ZFHX3: variants seen among roughly 807,000 people sequenced by gnomAD.
The protein encoded by ZFHX3 is zinc finger homeobox 3, also known as zinc finger homeobox protein 3.
ZFHX3 carries 42 observed loss-of-function variants against 279.1 expected under a neutral mutation model. That is an observed-to-expected ratio of 0.15 (90% CI 0.12 to 0.19). The LOEUF (loss-of-function observed/expected upper bound fraction) is 0.19, where lower values mean the gene tolerates loss of function less well. Ranked by LOEUF, ZFHX3 falls within the 10% of genes least tolerant of loss-of-function variation. The probability of loss-of-function intolerance (pLI) is 1.00; values close to 1 mark genes in which losing one functional copy is unlikely to be tolerated. For missense variants in ZFHX3, 4,981 were observed against 4,754.0 expected (o/e 1.05, Z -1.40); for synonymous variants, 2,293 against 1,957.8 (o/e 1.17, Z -4.52).
intron 1 of ZFHX3, among the ~76,000 whole-genome samples, chr16:73,799,456 T>C (rs1960083555): frequency 6.6e-6 from 1 of 152,120 alleles, no homozygotes. Context: ...TTCTTTGGCC[T>C]TCCCTTGCAG....
intron 4 of ZFHX3, among the ~76,000 whole-genome samples, chr16:73,286,445 C>CAAG (rs2014598547): frequency 6.6e-6 from 1 of 152,188 alleles, no homozygotes; most frequent in Non-Finnish European, 1.5e-5. Context: ...ACCTTAAGTA[C>CAAG]AAGACTTGAT....
At chr16:73,562,790 TA>T (rs1162211923) in intron 2 of ZFHX3, among the ~76,000 whole-genome samples, 1 of 152,140 alleles carries the variant, frequency 6.6e-6, no homozygotes, top group Non-Finnish European at 1.5e-5. Context: ...CCCATGTTTT[TA>T]AAAGCCTTTC....
At chr16:73,031,305 T>C (rs1964688492) in intron 1 of ZFHX3, among the ~76,000 whole-genome samples, 1 of 152,072 alleles carries the variant, frequency 6.6e-6, no homozygotes, top group South Asian at 2.1e-4. Flanking sequence ...CATTCACACT[T>C]CACCAAACCC....
chr16:72,898,092 T>C (rs180838701), intron 3 of ZFHX3, among the ~76,000 whole-genome samples: 6 of 152,330 alleles, frequency 3.9e-5, no homozygotes, highest in Admixed American at 3.9e-4. Flanking sequence ...AAATGTAATG[T>C]CACATTTTTA....
At chr16:73,362,418 G>C (rs866482408) in intron 3 of ZFHX3, among the ~76,000 whole-genome samples, 1 of 152,142 alleles carries the variant, frequency 6.6e-6, no homozygotes, top group Non-Finnish European at 1.5e-5. Context: ...AGTTGAGAGT[G>C]TCTCTATCTA....
At chr16:72,790,594 T>C (rs558935758) in intron 9 of ZFHX3, 1 of 152,330 alleles carries the variant, frequency 6.6e-6, no homozygotes, top group Admixed American at 6.5e-5. Context: ...AAACAGCTGT[T>C]AATACTGGAT....
chr16:73,473,160 G>A (rs185106060), intron 2 of ZFHX3, among the ~76,000 whole-genome samples: 4 of 151,498 alleles, frequency 2.6e-5, no homozygotes, highest in East Asian at 3.9e-4. Flanking sequence ...GGGCAACATA[G>A]CAAGACCCTA....
intron 3 of ZFHX3, among the ~76,000 whole-genome samples, chr16:73,454,091 C>T (rs937440132): frequency 6.6e-6 from 1 of 152,124 alleles, no homozygotes; most frequent in African/African-American, 2.4e-5. Flanking sequence ...GTAGGGCATT[C>T]CCACTGCATC....
intron 2 of ZFHX3, among the ~76,000 whole-genome samples, chr16:73,588,495 G>A (rs2051951064): frequency 6.6e-6 from 1 of 151,628 alleles, no homozygotes; most frequent in Non-Finnish European, 1.5e-5. Flanking sequence ...GACCATCCTG[G>A]CTAACACGGT....
intron 1 of ZFHX3, among the ~76,000 whole-genome samples, chr16:73,023,555 C>A (rs180720148): frequency 6.6e-6 from 1 of 152,342 alleles, no homozygotes; most frequent in Non-Finnish European, 1.5e-5. Context: ...CCGGCTCCCT[C>A]CCACGATGCG....
At chr16:73,873,146 TGGTGGTG>T (rs1331596763) in intron 1 of ZFHX3, among the ~76,000 whole-genome samples, 39 of 42,852 alleles carry the variant, frequency 9.1e-4, no homozygotes, top group Middle Eastern at 0.026. Context: ...TGGTGGTGGG[TGGTGGTG>T]GGTGGTGGGT....
At chr16:73,000,168 T>C (rs548872126) in intron 1 of ZFHX3, among the ~76,000 whole-genome samples, 2 of 152,264 alleles carry the variant, frequency 1.3e-5, no homozygotes, top group South Asian at 4.2e-4. Flanking sequence ...CAGGCACCAC[T>C]GTCTGTCAAC....
chr16:73,208,119 C>T (rs1721984024), intron 5 of ZFHX3, among the ~76,000 whole-genome samples: 2 of 152,114 alleles, frequency 1.3e-5, no homozygotes, highest in Admixed American at 1.3e-4. Context: ...AAGCAAACAA[C>T]ACACAAAAAG....
intron 4 of ZFHX3, among the ~76,000 whole-genome samples, chr16:73,311,521 C>G (rs998939001): frequency 7.1e-6 from 1 of 141,742 alleles, no homozygotes; most frequent in Non-Finnish European, 1.5e-5. Flanking sequence ...ACCTGTGAGA[C>G]AGAGGTTGCA....
At chr16:73,572,502 A>G (rs2051752311) in intron 2 of ZFHX3, among the ~76,000 whole-genome samples, 1 of 152,240 alleles carries the variant, frequency 6.6e-6, no homozygotes, top group East Asian at 1.9e-4. Context: ...AGAAACAGAA[A>G]GGCAGGAAGG....
chr16:73,835,075 C>CT (rs746745487), intron 1 of ZFHX3, among the ~76,000 whole-genome samples: 3 of 152,166 alleles, frequency 2.0e-5, no homozygotes, highest in East Asian at 1.9e-4. Flanking sequence ...AAAGGTGCCA[C>CT]TCTATGTTAT....
At chr16:73,572,256 C>T (rs2051747911) in intron 2 of ZFHX3, among the ~76,000 whole-genome samples, 1 of 150,730 alleles carries the variant, frequency 6.6e-6, no homozygotes, top group South Asian at 2.1e-4. Flanking sequence ...AGTCAACATT[C>T]TTCGGGTGGT....
chr16:73,261,021 A>C (rs2013809702), intron 4 of ZFHX3, among the ~76,000 whole-genome samples: 1 of 152,122 alleles, frequency 6.6e-6, no homozygotes, highest in Admixed American at 6.6e-5. Context: ...TTCTCTTTCA[A>C]GAATTCTTGC....
chr16:73,271,947 G>T (rs2014157375), intron 4 of ZFHX3, among the ~76,000 whole-genome samples: 1 of 152,108 alleles, frequency 6.6e-6, no homozygotes, highest in Non-Finnish European at 1.5e-5. Context: ...TTGTTCCAAG[G>T]CAACAATGTC....
Sources: gnomAD v4.1 joint callset for allele counts (sites outside exome capture counted in the v4.1 genomes callset) on GRCh38, gnomAD v4.1.1 for gene constraint, MANE v1.5 for transcripts, NCBI Gene and HGNC (gene_info 2026-07-23, HGNC 2026-07-21) for gene names.